The following RASA3 variants were observed in gnomAD, a reference collection of about 807,000 sequenced individuals.
RASA3 encodes the protein RAS p21 protein activator 3, also known as ras GTPase-activating protein 3.
In RASA3, 73 loss-of-function variants were observed where a neutral mutation model predicts 110.0. The observed-to-expected ratio is 0.66, with a 90% CI of 0.55 to 0.81. RASA3 has a LOEUF of 0.81. RASA3 is among the 30% of genes least tolerant of loss of function. The pLI, the probability that RASA3 is intolerant of heterozygous loss-of-function variation, is 0.00. For missense variants in RASA3, 976 were observed against 1,113.2 expected, an observed-to-expected ratio of 0.88 and a Z score of 1.75; for synonymous variants, 500 against 451.4, an observed-to-expected ratio of 1.11 and a Z score of -1.37.
At position 114,114,226 on chromosome 13, in the gene RASA3, C is replaced by T. The variant is rs1163573956; in HGVS notation, c.55+18209G>A. ...AGAGAGACCTGGCCTATCCTCAGCA[C>T]AGCCCATGTGACGTTAGAAAGGCAA... On this transcript the variant is annotated intron_variant, in intron 1 of 23. Transcript: ENST00000334062. This position sits in a 1 kb window ranked among gnomAD's most constrained non-coding sequence, Gnocchi z 4.8. 6.6e-6 allele frequency among the ~76,000 whole-genome samples: 1 copy of T among 152,246 alleles called. No homozygotes were observed. The highest frequency in any genetic ancestry group is 2.4e-5 in the African/African-American group (1 of 41,470).
At chr13:114,040,511 C>T (rs2054377431) in intron 4 of RASA3, among the ~76,000 whole-genome samples, 2 of 136,316 alleles carry the variant, frequency 1.5e-5, no homozygotes, top group African/African-American at 2.9e-5. Flanking sequence ...GGCGAACACG[C>T]ACAACCCAAA....
In RASA3 at chr13:113,996,744, G is replaced by A. The variant is rs368364962; in HGVS notation, c.1933-5C>T. 16 of 1,612,856 alleles carry A rather than the reference G, an allele frequency of 9.9e-6. No individual in the cohort carries two copies. The highest frequency in any genetic ancestry group is 1.4e-5 in the Non-Finnish European group (16 of 1,179,548). On this transcript the variant is annotated splice_region_variant and splice_polypyrimidine_tract_variant and intron_variant, in intron 20 of 23. Coordinates refer to ENST00000334062, the MANE Select transcript of RASA3 (RefSeq NM_007368.4). ...TGGCTGGATGACCTGGAACATCTGA[G>A]GACACAGGTGGGCTCAGGACAGCGC... is the stretch of plus-strand genomic sequence containing the variant.
At chr13:114,126,917 G>T (rs1039350968) in intron 1 of RASA3, among the ~76,000 whole-genome samples, 4 of 151,870 alleles carry the variant, frequency 2.6e-5, no homozygotes, top group Non-Finnish European at 4.4e-5. Context: ...TTCCAAGTGG[G>T]TTCGCTACGT....
At chr13:114,076,515 ACACACGCAG>A (rs1386444807) in intron 1 of RASA3, among the ~76,000 whole-genome samples, 1 of 151,756 alleles carries the variant, frequency 6.6e-6, no homozygotes, top group African/African-American at 2.4e-5. Flanking sequence ...CACGCAGCGC[ACACACGCAG>A]CACACGCACG....
At chr13:114,040,716 G>A (rs192997050) in intron 4 of RASA3, among the ~76,000 whole-genome samples, 3 of 147,748 alleles carry the variant, frequency 2.0e-5, no homozygotes, top group Non-Finnish European at 4.5e-5. Context: ...CGCGGAGCCC[G>A]CGCTCACTCC....
intron 2 of RASA3, among the ~76,000 whole-genome samples, chr13:114,058,877 C>T (rs2079290650): frequency 6.6e-6 from 1 of 152,166 alleles, no homozygotes; most frequent in Non-Finnish European, 1.5e-5. Context: ...GAGCCTTTTT[C>T]GAAGAACTTC....
chr13:114,005,433 A>AGAAACACGGGGTGGCTGT (rs1451005542), intron 18 of RASA3, among the ~76,000 whole-genome samples: 4 of 152,168 alleles, frequency 2.6e-5, no homozygotes, highest in African/African-American at 9.7e-5. Context: ...GGCCTGTGTC[A>AGAAACACGGGGTGGCTGT]GAAACACGGG....
chr13:114,017,854 CGAGCCCCAG>C (rs2139300808), intron 11 of RASA3, among the ~76,000 whole-genome samples: 1 of 151,926 alleles, frequency 6.6e-6, no homozygotes, highest in South Asian at 2.1e-4. Context: ...GAGCTGTCCT[CGAGCCCCAG>C]GAGCCGTTTC....
chr13:114,126,551 G>A (rs977719677), intron 1 of RASA3, among the ~76,000 whole-genome samples: 3 of 152,148 alleles, frequency 2.0e-5, no homozygotes, highest in Admixed American at 2.0e-4. Context: ...ACACCCAGAT[G>A]ACAGCCAAAA....
intron 15 of RASA3, 87 bp downstream of exon 15, chr13:114,013,055 G>T: frequency 9.2e-7 from 1 of 1,085,834 alleles, no homozygotes; most frequent in Non-Finnish European, 1.3e-6. Context: ...CCACACGGTC[G>T]GCCCCCTACA....
chr13:114,031,174 CCTGT>C (rs1162344752), intron 4 of RASA3, among the ~76,000 whole-genome samples: 4 of 149,694 alleles, frequency 2.7e-5, no homozygotes, highest in Admixed American at 1.3e-4. Context: ...TGTGTGTCTG[CCTGT>C]CTGTGCATGT....
chr13:114,093,739 CT>C (rs984942440), intron 1 of RASA3, among the ~76,000 whole-genome samples: 5 of 151,608 alleles, frequency 3.3e-5, no homozygotes, highest in Admixed American at 2.6e-4. Flanking sequence ...TTCTTCATTT[CT>C]TTTCATTTTT....
chr13:114,041,583 C>A (rs1258099541), intron 3 of RASA3, among the ~76,000 whole-genome samples: 1 of 152,256 alleles, frequency 6.6e-6, no homozygotes, highest in East Asian at 1.9e-4. Context: ...AATGAACACC[C>A]CGTGCCTCAC....
rs1594398312 is a variant in RASA3 at position 114,056,723 on chromosome 13, G to A, written c.174-4568C>T. Reference sequence around the variant, plus strand: ...ACCAGAAATCCATTCAATAAAAAGAGATAAAAATAGCAGAAAGAGGAAGCT... The same window carrying A: ...ACCAGAAATCCATTCAATAAAAAGAAATAAAAATAGCAGAAAGAGGAAGCT... On this transcript the variant is annotated intron_variant, in intron 2 of 23. Transcript: ENST00000334062. The surrounding 1 kb of genome is among the most constrained non-coding windows in gnomAD (Gnocchi z 5.7). 1 of 939,274 alleles carries A rather than the reference G, an allele frequency of 1.1e-6. No individual in the cohort carries two copies. Among genetic ancestry groups the A allele is most frequent in the Non-Finnish European group, 1.3e-6 (1 of 787,758 alleles). 58.2% of individuals were successfully genotyped at this position (939,274 alleles called of 1,614,324 possible). A position where few individuals can be genotyped will look rare whatever the true frequency, so the allele number is the denominator to read the frequency against.
chr13:114,023,279 G>A (rs901589651), intron 8 of RASA3, among the ~76,000 whole-genome samples: 1 of 151,826 alleles, frequency 6.6e-6, no homozygotes, highest in Admixed American at 6.6e-5. Flanking sequence ...TCCCAGGCTC[G>A]GGGAACATCC....
At chr13:114,033,035 C>T (rs1324068869) in intron 4 of RASA3, among the ~76,000 whole-genome samples, 9 of 62,536 alleles carry the variant, frequency 1.4e-4, no homozygotes, top group East Asian at 6.2e-4. Flanking sequence ...CCACGTTCCA[C>T]GGCACCCCCA....
chr13:114,095,936 G>A (rs934111026), intron 1 of RASA3, among the ~76,000 whole-genome samples: 2 of 152,236 alleles, frequency 1.3e-5, no homozygotes, highest in African/African-American at 4.8e-5. Flanking sequence ...CAGAGTGTGT[G>A]GGGGCAGAGC....
At chr13:114,038,077 T>TAAA (rs541898809) in intron 4 of RASA3, among the ~76,000 whole-genome samples, 1 of 116,684 alleles carries the variant, frequency 8.6e-6, no homozygotes, top group Admixed American at 8.6e-5. Context: ...ATTAAATCAG[T>TAAA]AAAAAAAAAA....
intron 17 of RASA3, among the ~76,000 whole-genome samples, chr13:114,008,044 T>TG (rs2053556877): frequency 3.6e-4 from 1 of 2,762 alleles, no homozygotes; most frequent in African/African-American, 6.0e-3. Context: ...CGCACCGCGT[T>TG]CCTGACTGTG....
Sources: gnomAD v4.1 joint callset for allele counts (sites outside exome capture counted in the v4.1 genomes callset) on GRCh38, gnomAD v4.1.1 for gene constraint, Gnocchi (gnomAD v3.1) non-coding constraint, MANE v1.5 for transcripts, NCBI Gene and HGNC (gene_info 2026-07-23, HGNC 2026-07-21) for gene names.